HSPG2: variants seen among roughly 807,000 people sequenced by gnomAD.
The protein encoded by HSPG2 is heparan sulfate proteoglycan 2, also known as basement membrane-specific heparan sulfate proteoglycan core protein.
A neutral mutation model predicts 526.6 loss-of-function variants in HSPG2; 278 were observed. That is an observed-to-expected ratio of 0.53 (90% CI 0.48 to 0.58). HSPG2 has a LOEUF of 0.58. Among genes scored for constraint, HSPG2 ranks in the 20% least tolerant of loss-of-function variants. HSPG2 has a pLI of 0.00. For synonymous variants in HSPG2, 2,465 were observed against 2,555.4 expected (o/e 0.96, Z 1.07); for missense variants, 5,354 against 6,099.5 (o/e 0.88, Z 4.07).
intron 37 of HSPG2, among the ~76,000 whole-genome samples, chr1:21,862,457 G>A (rs532032254): frequency 1.1e-4 from 17 of 151,842 alleles, no homozygotes; most frequent in Admixed American, 3.3e-4. Context: ...GGTGGTGTGC[G>A]TCTGTAGTCC....
At chr1:21,894,853 A>G (rs981015917) in intron 3 of HSPG2, among the ~76,000 whole-genome samples, 1 of 152,088 alleles carries the variant, frequency 6.6e-6, no homozygotes, top group Non-Finnish European at 1.5e-5. Flanking sequence ...CCCAAGCCCC[A>G]CCCAGCTCCC....
At chr1:21,840,964 C>A in intron 71 of HSPG2, 137 bp downstream of exon 71, 1 of 744,824 alleles carries the variant, frequency 1.3e-6, no homozygotes, top group South Asian at 1.6e-5. Context: ...GTCATCCACC[C>A]ATCCCATCCC....
Position 21,873,432 on chromosome 1 carries a change from G to C in HSPG2, c.3744-8C>G. On this transcript the variant is annotated splice_region_variant and splice_polypyrimidine_tract_variant and intron_variant, in intron 29 of 96. Coordinates refer to ENST00000374695, the MANE Select transcript of HSPG2 (RefSeq NM_005529.7). ...TAGTAGCCAGGGGCGCACCTGCAGA[G>C]AGAAAAAGCCTCTGATGAATTTTGG... 6.2e-7 allele frequency: 1 copy of C among 1,613,954 alleles called. No individual in the cohort carries two copies. The highest frequency in any genetic ancestry group is 8.5e-7 in the Non-Finnish European group (1 of 1,179,986).
At position 21,859,993 on chromosome 1, in the gene HSPG2, G is replaced by C. The variant is rs1381857950; in HGVS notation, c.5024C>G (p.Ala1675Gly). 6.2e-7 allele frequency: 1 copy of C among 1,610,202 alleles called. No homozygotes were observed. The highest frequency in any genetic ancestry group is 1.3e-5 in the African/African-American group (1 of 74,914). Residue 1675 changes from alanine to glycine, a missense_variant, in exon 41 of 97, where the codon GCC becomes GGC. Coordinates refer to ENST00000374695, the MANE Select transcript of HSPG2 (RefSeq NM_005529.7). This position sits in a 1 kb window ranked among gnomAD's most constrained non-coding sequence, Gnocchi z 5.3. ...AGGATGGACCTCGACCACCAGTGGG[G>C]CTTGGTTTGCTGGGGGTGGGGGCCG... ...GGQCLPETNQ[A>G]PLVVEVHPAR...
intron 85 of HSPG2, 28 bp downstream of exon 85, chr1:21,830,954 G>A (rs759554267): frequency 8.7e-6 from 13 of 1,491,800 alleles, no homozygotes; most frequent in Middle Eastern, 1.9e-4. Context: ...GCCCTGGGGC[G>A]ACAGCGACTG....
chr1:21,839,183 C>T lies in HSPG2; in HGVS notation c.9890-98G>A. 6.7e-7 allele frequency: 1 copy of T among 1,500,064 alleles called. No individual in the cohort carries two copies. Among genetic ancestry groups the T allele is most frequent in the Admixed American group, 1.9e-5 (1 of 53,144 alleles). 92.9% of individuals were successfully genotyped at this position (1,500,064 alleles called of 1,614,324 possible). ...TGTCCAGGGAAGCTGAATGGTGAGC[C>T]CAGAGGACTGGGGATAAGGAAAGCA... On this transcript the variant is annotated intron_variant, in intron 73 of 96. Coordinates refer to ENST00000374695, the MANE Select transcript of HSPG2 (RefSeq NM_005529.7). This position sits in a 1 kb window ranked among gnomAD's most constrained non-coding sequence, Gnocchi z 4.5.
At position 21,838,942 on chromosome 1, in the gene HSPG2, C is replaced by A; in HGVS notation, c.10033G>T (p.Ala3345Ser). Residue 3345 changes from alanine to serine, a missense_variant, in exon 74 of 97, where the codon GCC (alanine) becomes TCC (serine). Transcript: ENST00000374695. ...VGSSLPGRAT[A>S]RNELLHFERA... ...TCAAAGTGCAGCAGCTCGTTCCTGG[C>A]GGTCGCCCTCCCAGGAAGGCTGCTG... The A allele has an allele frequency of 6.2e-7, 1 of 1,612,322 alleles. No individual in the cohort carries two copies. Among genetic ancestry groups the A allele is most frequent in the South Asian group, 1.1e-5 (1 of 91,044 alleles).
chr1:21,835,467 T>C (rs1000597980), intron 76 of HSPG2, 73 bp downstream of exon 76: 2 of 957,530 alleles, frequency 2.1e-6, no homozygotes, highest in African/African-American at 3.2e-5. Flanking sequence ...GAACAGGGTC[T>C]GGGCCTTGTG....
rs915771352 is a variant in HSPG2 at position 21,844,293 on chromosome 1, C to G, written c.8471G>C (p.Gly2824Ala). 6.2e-7 allele frequency: 1 copy of G among 1,612,414 alleles called. No homozygotes were observed. The highest frequency in any genetic ancestry group is 8.5e-7 in the Non-Finnish European group (1 of 1,179,228). ...CTCGATGCGGATGGGTGGGGCTCCACCTGGGGCTGGGGCACAGGGGAGAGG... is the reference window on the plus strand; with the variant it reads ...CTCGATGCGGATGGGTGGGGCTCCAGCTGGGGCTGGGGCACAGGGGAGAGG... The part of the protein sequence containing the change: ...GSSAVHVPAP[G>A]GAPPIRIEPS... Residue 2824 changes from glycine (G) to alanine (A), a missense_variant, in exon 65 of 97, where the codon GGT becomes GCT. Gly to Ala is a moderately conservative substitution (Grantham distance 60, BLOSUM62 0). Coordinates refer to ENST00000374695, the MANE Select transcript of HSPG2 (RefSeq NM_005529.7).
Position 21,831,075 on chromosome 1 carries a change from G to A in HSPG2, c.11578C>T (p.His3860Tyr), listed in dbSNP as rs763880776. Residue 3860 changes from histidine (H) to tyrosine (Y), a missense_variant, in exon 85 of 97, where the codon CAT (histidine) becomes TAT (tyrosine). By Grantham distance (83) the His-to-Tyr change is moderately conservative. Coordinates refer to ENST00000374695, the MANE Select transcript of HSPG2 (RefSeq NM_005529.7). ...ACGTAGCTGCTGCTCTCAGAGTCAT[G>A]GCACTGACCGCCATTCTGCAAAGCA... is the stretch of plus-strand genomic sequence containing the variant. ...DRPCQNGGQC[H>Y]DSESSSYVCV... The A allele has an allele frequency of 6.3e-7, 1 of 1,599,944 alleles. No individual in the cohort carries two copies. Among genetic ancestry groups the A allele is most frequent in the Admixed American group, 1.8e-5 (1 of 56,716 alleles).
Position 21,829,760 on chromosome 1 carries a change from C to A in HSPG2, c.11771-156G>T, listed in dbSNP as rs924684413. ...CCAGCTGCAGTGGCACAGGAGCCCCCCTGCCCTTGCACACGGGGCTGGGAG... is the reference window on the plus strand; with the variant it reads ...CCAGCTGCAGTGGCACAGGAGCCCCACTGCCCTTGCACACGGGGCTGGGAG... On this transcript the variant is annotated intron_variant, in intron 86 of 96. Coordinates refer to ENST00000374695, the MANE Select transcript of HSPG2 (RefSeq NM_005529.7). 3 of 731,680 alleles carry A rather than the reference C, an allele frequency of 4.1e-6. No individual in the cohort carries two copies. In the African/African-American group the frequency reaches 5.3e-5, roughly 13 times the overall value. 45.3% of individuals were successfully genotyped at this position (731,680 alleles called of 1,614,324 possible). A position where few individuals can be genotyped will look rare whatever the true frequency, so the allele number is the denominator to read the frequency against.
In HSPG2 at chr1:21,892,565, C is replaced by T. The variant is rs1033259809; in HGVS notation, c.245-1871G>A. 2.6e-5 allele frequency among the ~76,000 whole-genome samples: 4 copies of T among 152,348 alleles called. No homozygotes were observed. In the South Asian group the frequency reaches 8.3e-4, roughly 32 times the overall value. Reference sequence around the variant, plus strand: ...CTGAGCACTGGGGCAGAAGGTGAGGCCACCTCTATTTCAAGAACCAGCCCC... The same window carrying T: ...CTGAGCACTGGGGCAGAAGGTGAGGTCACCTCTATTTCAAGAACCAGCCCC... On this transcript the variant is annotated intron_variant, in intron 3 of 96. Transcript: ENST00000374695.
chr1:21,849,762 C>T (rs1638739968), intron 57 of HSPG2, among the ~76,000 whole-genome samples: 2 of 152,158 alleles, frequency 1.3e-5, no homozygotes, highest in Admixed American at 1.3e-4. Flanking sequence ...TCACTGCAAC[C>T]TCCGCCTCCT....
At chr1:21,846,077 G>A (rs750537380) in intron 64 of HSPG2, 31 bp downstream of exon 64, 40 of 1,610,774 alleles carry the variant, frequency 2.5e-5, no homozygotes, top group Middle Eastern at 2.1e-4. Context: ...TCCCTCCCCC[G>A]GCCTTCCCGT....
At chr1:21,931,469 G>T (rs369261306) in intron 1 of HSPG2, among the ~76,000 whole-genome samples, 1 of 152,208 alleles carries the variant, frequency 6.6e-6, no homozygotes, top group African/African-American at 2.4e-5. Context: ...GAGCAGGAGC[G>T]AGAGGAGAAA....
In HSPG2 at chr1:21,862,123, G is replaced by T; in HGVS notation, c.4741-8C>A. On this transcript the variant is annotated splice_polypyrimidine_tract_variant and splice_region_variant and intron_variant, in intron 37 of 96. Coordinates refer to ENST00000374695, the MANE Select transcript of HSPG2 (RefSeq NM_005529.7). The stretch of plus-strand genomic sequence containing the variant: ...GGCGTTGTGCTGGCATTGCTGCAGG[G>T]CACAAGGAGGGCAGGCACCAGCCAT... The T allele has an allele frequency of 7.4e-6, 12 of 1,611,414 alleles. No individual in the cohort carries two copies. Among genetic ancestry groups the T allele is most frequent in the Non-Finnish European group, 1.0e-5 (12 of 1,179,988 alleles).
intron 11 of HSPG2, 22 bp downstream of exon 11, chr1:21,884,991 C>T (rs370953718): frequency 3.7e-6 from 6 of 1,613,916 alleles, no homozygotes; most frequent in African/African-American, 2.7e-5. Context: ...TCCCACCCCA[C>T]CACCTGGGCC....
intron 1 of HSPG2, among the ~76,000 whole-genome samples, chr1:21,919,196 C>A (rs186265953): frequency 6.6e-6 from 1 of 152,220 alleles, no homozygotes; most frequent in Non-Finnish European, 1.5e-5. Flanking sequence ...GCAACCAAGG[C>A]TGGCGGATCA....
chr1:21,857,416 G>A (rs779738652), intron 42 of HSPG2, 31 bp from the exon 43 acceptor site: 61 of 1,598,692 alleles, frequency 3.8e-5, no homozygotes, highest in Middle Eastern at 1.7e-4. Flanking sequence ...CCTGTGAGCC[G>A]GTGCTGGCTA....
Sources: allele counts gnomAD v4.1 joint callset (sites outside exome capture counted in the v4.1 genomes callset), GRCh38; gene constraint gnomAD v4.1.1; non-coding constraint Gnocchi (gnomAD v3.1); transcripts MANE v1.5; gene names NCBI Gene and HGNC (gene_info 2026-07-23, HGNC 2026-07-21).